PCDHAC1: variants seen among roughly 807,000 people sequenced by gnomAD.
The protein encoded by PCDHAC1 is protocadherin alpha-C1.
PCDHAC1 carries 42 observed loss-of-function variants against 60.0 expected under a neutral mutation model. The observed-to-expected ratio is 0.70, with a 90% confidence interval of 0.55 to 0.90. The LOEUF (loss-of-function observed/expected upper bound fraction) is 0.90. Among genes scored for constraint, PCDHAC1 ranks in the 40% least tolerant of loss-of-function variants. The probability of loss-of-function intolerance (pLI) is 0.00; values close to 1 mark genes in which losing one functional copy is unlikely to be tolerated. For synonymous variants in PCDHAC1, 468 were observed against 499.3 expected (o/e 0.94, Z 0.84); for missense variants, 1,160 against 1,222.3 (o/e 0.95, Z 0.76).
chr5:140,982,802 T>G (rs2153829847), intron 3 of PCDHAC1, among the ~76,000 whole-genome samples: 1 of 152,122 alleles, frequency 6.6e-6, no homozygotes, highest in South Asian at 2.1e-4. Context: ...TGCATGTGTG[T>G]GTGTGTGTAT....
At chr5:140,952,970 T>C (rs2094826762) in intron 1 of PCDHAC1, among the ~76,000 whole-genome samples, 1 of 152,000 alleles carries the variant, frequency 6.6e-6, no homozygotes, top group Non-Finnish European at 1.5e-5. Context: ...TACACACTTT[T>C]AAACAACAAG....
intron 1 of PCDHAC1, among the ~76,000 whole-genome samples, chr5:140,955,810 A>G (rs1171384572): frequency 1.3e-5 from 2 of 152,090 alleles, no homozygotes; most frequent in Non-Finnish European, 2.9e-5. Context: ...GTTTGTGTCC[A>G]CTGTGATTTC....
rs1004548473 is a variant in PCDHAC1 at position 141,011,507 on chromosome 5, G to T, written c.*1570G>T. Reference sequence around the variant, plus strand: ...CCTTTTGTACACCTGTGAAAAAGTGGAGTAGTGTTTTTTTAACCATTGTTA... The same window carrying T: ...CCTTTTGTACACCTGTGAAAAAGTGTAGTAGTGTTTTTTTAACCATTGTTA... On this transcript the variant is annotated 3_prime_UTR_variant, in exon 4 of 4. Transcript: ENST00000253807. 5.2e-5 allele frequency: 8 copies of T among 153,740 alleles called. No individual in the cohort carries two copies. The highest frequency in any genetic ancestry group is 1.9e-4 in the African/African-American group (8 of 41,440). The allele number at this position is 153,740 out of a possible 1,614,324, so 9.5% of individuals were successfully genotyped here. A position where few individuals can be genotyped will look rare whatever the true frequency, so the allele number is the denominator to read the frequency against.
intron 3 of PCDHAC1, among the ~76,000 whole-genome samples, chr5:140,997,109 G>A (rs1293025484): frequency 1.3e-5 from 2 of 152,022 alleles, no homozygotes; most frequent in Non-Finnish European, 2.9e-5. Flanking sequence ...ATGCACTCCT[G>A]CTCTCCCACA....
intron 1 of PCDHAC1, among the ~76,000 whole-genome samples, chr5:140,932,642 T>G (rs2088501803): frequency 6.6e-6 from 1 of 151,860 alleles, no homozygotes. Context: ...AACTTTAGAA[T>G]GATGAAACTA....
At chr5:140,975,938 T>C (rs2096690603) in intron 1 of PCDHAC1, among the ~76,000 whole-genome samples, 1 of 152,160 alleles carries the variant, frequency 6.6e-6, no homozygotes, top group Admixed American at 6.5e-5. Context: ...TTTGAAGCAA[T>C]AGGACATATT....
intron 2 of PCDHAC1, among the ~76,000 whole-genome samples, chr5:140,979,425 A>G (rs1009935948): frequency 2.0e-5 from 3 of 151,814 alleles, no homozygotes; most frequent in African/African-American, 7.3e-5. Context: ...TTTTAATCTC[A>G]CATTGGCTAT....
chr5:141,000,462 T>C (rs1554257607), intron 3 of PCDHAC1, among the ~76,000 whole-genome samples: 1 of 139,384 alleles, frequency 7.2e-6, no homozygotes, highest in Non-Finnish European at 1.5e-5. Flanking sequence ...AGTTTTGCTC[T>C]TGTTGCCCAA....
intron 1 of PCDHAC1, among the ~76,000 whole-genome samples, chr5:140,972,662 T>A (rs1188844189): frequency 1.5e-4 from 8 of 54,766 alleles, no homozygotes; most frequent in African/African-American, 8.1e-4. Context: ...GAAACCAAAT[T>A]TTTTTTTTTT....
rs114961630 is a variant in PCDHAC1 at position 140,926,715 on chromosome 5, G to A, written c.-178G>A. 1,110 of 952,350 alleles carry A rather than the reference G, an allele frequency of 1.2e-3. 9 individuals carry two copies. The African/African-American group carries it at 0.017, about 15-fold the overall frequency. The allele number at this position is 952,350 out of a possible 1,614,324, so 59.0% of individuals were successfully genotyped here. A position where few individuals can be genotyped will look rare whatever the true frequency, so the allele number is the denominator to read the frequency against. On this transcript the variant is annotated 5_prime_UTR_variant, in exon 1 of 4. Transcript: ENST00000253807. ...GCCCGGCTCCCAGCTGGCCAGCCCC[G>A]GCAATGCCGGCGTTCGGGAGGCGCA... is the stretch of plus-strand genomic sequence containing the variant.
At chr5:140,962,665 C>T (rs1457197885) in intron 1 of PCDHAC1, among the ~76,000 whole-genome samples, 1 of 152,146 alleles carries the variant, frequency 6.6e-6, no homozygotes, top group African/African-American at 2.4e-5. Flanking sequence ...TTTTCATCTT[C>T]CCATCCACTG....
At chr5:141,007,395 C>CAAAAAAAAAAAAA (rs35800918) in intron 3 of PCDHAC1, among the ~76,000 whole-genome samples, 1 of 94,866 alleles carries the variant, frequency 1.1e-5, no homozygotes. Flanking sequence ...TACTAAAATA[C>CAAAAAAAAAAAAA]AAAAAAAAAA....
intron 1 of PCDHAC1, among the ~76,000 whole-genome samples, chr5:140,958,652 G>C (rs991773774): frequency 6.6e-6 from 1 of 152,030 alleles, no homozygotes; most frequent in East Asian, 1.9e-4. Context: ...ATCACAGAAA[G>C]CTATGATGAA....
At chr5:141,003,245 A>T (rs1554258962) in intron 3 of PCDHAC1, among the ~76,000 whole-genome samples, 1 of 152,216 alleles carries the variant, frequency 6.6e-6, no homozygotes, top group African/African-American at 2.4e-5. Context: ...TTTGCCAAAA[A>T]GATTCCTGGG....
intron 1 of PCDHAC1, among the ~76,000 whole-genome samples, chr5:140,961,280 C>G (rs246003): frequency 0.56 from 85,679 of 152,048 alleles, 24,751 homozygotes; most frequent in African/African-American, 0.69. Flanking sequence ...TACCATGGCT[C>G]TGTTTCTTGA....
chr5:141,010,205 G>A lies in PCDHAC1; in HGVS notation c.*268G>A, dbSNP rs1554262753. On this transcript the variant is annotated 3_prime_UTR_variant, in exon 4 of 4. Transcript: ENST00000253807. ...ACCCAAGTTTCCTTTCTCCTCCGCC[G>A]CAAAGGAGAGGCTTCCCAGCCCCGC... 4 of 1,551,732 alleles carry A rather than the reference G, an allele frequency of 2.6e-6. No homozygotes were observed. Among genetic ancestry groups the A allele is most frequent in the African/African-American group, 1.4e-5 (1 of 73,014 alleles).
At position 140,927,495 on chromosome 5, in the gene PCDHAC1, G is replaced by C. The variant is rs111935715; in HGVS notation, c.603G>C (p.Leu201=). 1.2e-6 allele frequency: 2 copies of C among 1,614,128 alleles called. No homozygotes were observed. The highest frequency in any genetic ancestry group is 1.3e-5 in the African/African-American group (1 of 75,070). The change falls in exon 1 of 4, where the codon CTG becomes CTC. Residue 201 remains leucine, a synonymous_variant. Transcript: ENST00000253807. The part of the protein sequence containing the change: ...LDREQRATHL[L]VLTARDGGLP... Reference sequence around the variant, plus strand: ...GCGAACAGCGCGCCACCCACCTGCTGGTGCTTACAGCTCGGGACGGCGGGC... The same window carrying C: ...GCGAACAGCGCGCCACCCACCTGCTCGTGCTTACAGCTCGGGACGGCGGGC...
intron 3 of PCDHAC1, among the ~76,000 whole-genome samples, chr5:140,990,006 G>T (rs1249732911): frequency 1.3e-5 from 2 of 152,116 alleles, no homozygotes; most frequent in Non-Finnish European, 2.9e-5. Flanking sequence ...ATCTCCAAGG[G>T]CGTGGGCTAG....
Position 140,927,165 on chromosome 5 carries a change from T to A in PCDHAC1, c.273T>A (p.Ala91=). 1 of 1,614,164 alleles carries A rather than the reference T, an allele frequency of 6.2e-7. No individual in the cohort carries two copies. The highest frequency in any genetic ancestry group is 8.5e-7 in the Non-Finnish European group (1 of 1,180,030). The stretch of plus-strand genomic sequence containing the variant: ...GCGAACAGCTGTGCAGGGCCAAAGC[T>A]GCCTGCGTCTTGACCTACGACCTGG... ...ADREQLCRAK[A]ACVLTYDLVL... is the part of the protein sequence containing the mutation. Residue 91 remains alanine, a synonymous_variant, in exon 1 of 4, where the codon GCT becomes GCA. Transcript: ENST00000253807.
Sources: gnomAD v4.1 joint callset for allele counts (sites outside exome capture counted in the v4.1 genomes callset) on GRCh38, gnomAD v4.1.1 for gene constraint, MANE v1.5 for transcripts, NCBI Gene and HGNC (gene_info 2026-07-23, HGNC 2026-07-21) for gene names.